Variants in FOXP1 observed in about 807,000 individuals in gnomAD.
FOXP1 encodes the protein forkhead box P1.
Under a neutral mutation model 98.2 loss-of-function variants are expected in FOXP1, and 15 were observed. That is an observed-to-expected ratio of 0.15 (90% CI 0.10 to 0.24). The LOEUF (loss-of-function observed/expected upper bound fraction) is 0.24, where lower values mean the gene tolerates loss of function less well. Among genes scored for constraint, FOXP1 ranks in the 10% least tolerant of loss-of-function variants. FOXP1 has a pLI of 1.00. For missense variants in FOXP1, 633 were observed against 848.5 expected (o/e 0.75, Z 3.15); for synonymous variants, 371 against 314.5 (o/e 1.18, Z -1.90).
intron 3 of FOXP1, among the ~76,000 whole-genome samples, chr3:71,413,366 T>C (rs1430502254): frequency 1.3e-5 from 2 of 150,006 alleles, no homozygotes; most frequent in Non-Finnish European, 3.0e-5. Flanking sequence ...TGCGCTGCCA[T>C]TACAAAGAAT....
At chr3:71,555,585 C>A (rs1463582002) in intron 2 of FOXP1, among the ~76,000 whole-genome samples, 1 of 152,186 alleles carries the variant, frequency 6.6e-6, no homozygotes, top group Non-Finnish European at 1.5e-5. Context: ...GCCCATGGCA[C>A]CCCCATTAGA....
At chr3:71,403,255 T>C (rs1275782477) in intron 3 of FOXP1, among the ~76,000 whole-genome samples, 1 of 152,204 alleles carries the variant, frequency 6.6e-6, no homozygotes, top group African/African-American at 2.4e-5. Context: ...CACAAACTGT[T>C]CTTCAAAATT....
intron 2 of FOXP1, chr3:71,580,980 G>T: frequency 1.0e-6 from 1 of 985,152 alleles, no homozygotes; most frequent in African/African-American, 1.7e-5. Context: ...CCTCAGAAGT[G>T]GACTGCATAA....
intron 3 of FOXP1, among the ~76,000 whole-genome samples, chr3:71,465,764 G>A (rs557303878): frequency 6.6e-6 from 1 of 152,250 alleles, no homozygotes; most frequent in Admixed American, 6.5e-5. Flanking sequence ...CCCATGGCCC[G>A]TTAGGAAACC....
At chr3:71,166,537 T>C (rs571990515) in intron 6 of FOXP1, among the ~76,000 whole-genome samples, 7 of 152,318 alleles carry the variant, frequency 4.6e-5, no homozygotes, top group Admixed American at 3.3e-4. Flanking sequence ...AAACTTCTTG[T>C]TTATTTTAAT....
chr3:70,981,649 A>G (rs1341333025), intron 14 of FOXP1, among the ~76,000 whole-genome samples: 2 of 152,220 alleles, frequency 1.3e-5, no homozygotes, highest in East Asian at 1.9e-4. Context: ...ACTAATTAAA[A>G]GACAGTTCCT....
intron 13 of FOXP1, among the ~76,000 whole-genome samples, chr3:70,988,835 G>A (rs1159450015): frequency 6.6e-6 from 1 of 152,168 alleles, no homozygotes; most frequent in Non-Finnish European, 1.5e-5. Flanking sequence ...CAAGACAGTT[G>A]GGCATAGGGG....
chr3:71,361,964 A>G (rs2078600988), intron 3 of FOXP1, among the ~76,000 whole-genome samples: 1 of 152,210 alleles, frequency 6.6e-6, no homozygotes, highest in Non-Finnish European at 1.5e-5. Context: ...TTTCTGCCCC[A>G]TATATCGTCA....
chr3:71,367,954 G>C (rs2079033661), intron 3 of FOXP1, among the ~76,000 whole-genome samples: 1 of 152,106 alleles, frequency 6.6e-6, no homozygotes, highest in South Asian at 2.1e-4. Flanking sequence ...ATATTGTCCT[G>C]TGAGAGCCAA....
chr3:71,142,491 A>C (rs1191377714), intron 6 of FOXP1, among the ~76,000 whole-genome samples: 3 of 152,236 alleles, frequency 2.0e-5, no homozygotes, highest in Non-Finnish European at 4.4e-5. Context: ...AGGAAGTCAG[A>C]TTCTGAAGCA....
intron 5 of FOXP1, among the ~76,000 whole-genome samples, chr3:71,279,965 T>C (rs1045314608): frequency 9.2e-5 from 14 of 151,532 alleles, no homozygotes; most frequent in Non-Finnish European, 4.4e-5. Context: ...CTACTAAAAA[T>C]ATAAAAAATT....
intron 2 of FOXP1, among the ~76,000 whole-genome samples, chr3:71,556,088 T>C (rs1471233393): frequency 1.3e-5 from 2 of 152,130 alleles, no homozygotes; most frequent in African/African-American, 4.8e-5. Flanking sequence ...AAACACACTA[T>C]ATATGTAATA....
chr3:71,136,065 A>G (rs1432407185), intron 6 of FOXP1, among the ~76,000 whole-genome samples: 1 of 152,180 alleles, frequency 6.6e-6, no homozygotes, highest in Non-Finnish European at 1.5e-5. Context: ...GTTAAATATG[A>G]TTTATCTAAA....
chr3:71,538,246 G>T (rs2044467970), intron 2 of FOXP1, among the ~76,000 whole-genome samples: 1 of 152,164 alleles, frequency 6.6e-6, no homozygotes, highest in Non-Finnish European at 1.5e-5. Context: ...TTCAACGGTT[G>T]TGAAACCATC....
chr3:71,051,716 T>C (rs896781208), intron 9 of FOXP1, among the ~76,000 whole-genome samples: 9 of 152,130 alleles, frequency 5.9e-5, no homozygotes, highest in African/African-American at 1.7e-4. Flanking sequence ...CTGGAATGGG[T>C]AGAAAGATGT....
At chr3:71,444,018 G>A (rs1016704024) in intron 3 of FOXP1, among the ~76,000 whole-genome samples, 1 of 152,122 alleles carries the variant, frequency 6.6e-6, no homozygotes, top group Non-Finnish European at 1.5e-5. Flanking sequence ...CAGCCCAACT[G>A]GTTTCTACCT....
At chr3:71,035,958 A>G (rs1221486878) in intron 11 of FOXP1, among the ~76,000 whole-genome samples, 1 of 152,242 alleles carries the variant, frequency 6.6e-6, no homozygotes, top group Non-Finnish European at 1.5e-5. Context: ...ACATTTATTC[A>G]CAAACACAGA....
chr3:71,502,096 C>T (rs1244568310), intron 2 of FOXP1, among the ~76,000 whole-genome samples: 3 of 152,342 alleles, frequency 2.0e-5, no homozygotes, highest in South Asian at 4.1e-4. Context: ...TAACAAGTTG[C>T]TCTTTAAGAA....
chr3:71,033,602 CAAAAAAAAA>C (rs35470748), intron 11 of FOXP1, among the ~76,000 whole-genome samples: 1 of 70,640 alleles, frequency 1.4e-5, no homozygotes, highest in African/African-American at 3.5e-5. Flanking sequence ...AGTGAACAGT[CAAAAAAAAA>C]AAAAAAAAAA....
Sources: gnomAD v4.1 joint callset for allele counts (sites outside exome capture counted in the v4.1 genomes callset) on GRCh38, gnomAD v4.1.1 for gene constraint, MANE v1.5 for transcripts, NCBI Gene and HGNC (gene_info 2026-07-23, HGNC 2026-07-21) for gene names.